CATSPERE: variants seen among roughly 807,000 people sequenced by gnomAD.
CATSPERE encodes the protein cation channel sperm-associated auxiliary subunit epsilon.
A neutral mutation model predicts 114.1 loss-of-function variants in CATSPERE; 93 were observed. The ratio of observed to expected loss-of-function variants is 0.81; its 90% CI spans 0.69 to 0.97. CATSPERE has a LOEUF of 0.97. Among genes scored for constraint, CATSPERE ranks in the 50% least tolerant of loss-of-function variants. The probability of loss-of-function intolerance (pLI) is 0.00; values close to 1 mark genes in which losing one functional copy is unlikely to be tolerated. For synonymous variants in CATSPERE, 341 were observed against 384.1 expected (o/e 0.89, Z 1.31); for missense variants, 1,058 against 1,131.6 (o/e 0.93, Z 0.93).
chr1:244,510,764 T>C (rs1675564573), intron 7 of CATSPERE, among the ~76,000 whole-genome samples: 2 of 151,828 alleles, frequency 1.3e-5, no homozygotes, highest in African/African-American at 2.4e-5. Context: ...GATGTAATTA[T>C]ATTTGCTTTA....
chr1:244,477,801 CTT>C (rs1669605675), intron 3 of CATSPERE, 103 bp from the exon 4 acceptor site: 3 of 1,004,544 alleles, frequency 3.0e-6, no homozygotes, highest in African/African-American at 1.7e-5. Context: ...AAAAATATCT[CTT>C]ATCAGCATAC....
intron 2 of CATSPERE, among the ~76,000 whole-genome samples, chr1:244,466,140 C>CA (rs758132253): frequency 4.6e-5 from 7 of 152,178 alleles, no homozygotes; most frequent in Non-Finnish European, 1.0e-4. Flanking sequence ...TTAACATATT[C>CA]ACTTTTATTG....
intron 6 of CATSPERE, among the ~76,000 whole-genome samples, chr1:244,495,605 CA>C (rs1672958787): frequency 6.6e-6 from 1 of 152,086 alleles, no homozygotes; most frequent in Admixed American, 6.6e-5. Flanking sequence ...CCTGTAATCC[CA>C]GCTACTCGGG....
At chr1:244,592,225 T>C (rs1667821641) in intron 15 of CATSPERE, among the ~76,000 whole-genome samples, 1 of 152,114 alleles carries the variant, frequency 6.6e-6, no homozygotes, top group Admixed American at 6.5e-5. Flanking sequence ...TGGCTTAAAT[T>C]CTACAAGACT....
intron 18 of CATSPERE, among the ~76,000 whole-genome samples, chr1:244,609,294 G>T (rs1353683359): frequency 6.6e-6 from 1 of 151,728 alleles, no homozygotes; most frequent in East Asian, 1.9e-4. Context: ...TATATTTAAT[G>T]GTAAAAATTT....
chr1:244,514,604 T>C (rs1009739746), intron 7 of CATSPERE, among the ~76,000 whole-genome samples: 2 of 151,564 alleles, frequency 1.3e-5, no homozygotes, highest in Non-Finnish European at 2.9e-5. Context: ...CCGAGGCGGG[T>C]GGATCACGAG....
intron 9 of CATSPERE, among the ~76,000 whole-genome samples, chr1:244,557,190 T>G (rs1387623004): frequency 6.6e-6 from 1 of 152,010 alleles, no homozygotes; most frequent in Non-Finnish European, 1.5e-5. Context: ...CGAGATTGCT[T>G]TGGCTCCTCA....
intron 1 of CATSPERE, 140 bp downstream of exon 1, chr1:244,461,634 A>G (rs1337907376): frequency 3.5e-6 from 2 of 578,892 alleles, no homozygotes; most frequent in Admixed American, 4.4e-5. Flanking sequence ...TGGCTCCCCA[A>G]CACCAGCCCC....
intron 2 of CATSPERE, among the ~76,000 whole-genome samples, chr1:244,467,217 A>G (rs780325014): frequency 6.6e-6 from 1 of 152,174 alleles, no homozygotes; most frequent in African/African-American, 2.4e-5. Context: ...TATAATTTGA[A>G]CCAGGCCCAG....
intron 6 of CATSPERE, among the ~76,000 whole-genome samples, chr1:244,493,388 G>C (rs1672564396): frequency 6.6e-6 from 1 of 152,208 alleles, no homozygotes; most frequent in Non-Finnish European, 1.5e-5. Context: ...GGGAAAACTG[G>C]TTGGCCATAT....
chr1:244,612,940 G>A (rs1305436280), intron 19 of CATSPERE, among the ~76,000 whole-genome samples: 1 of 152,108 alleles, frequency 6.6e-6, no homozygotes, highest in Non-Finnish European at 1.5e-5. Context: ...AATATAACAG[G>A]GAATATCAGG....
At chr1:244,606,123 C>T (rs1035241742) in intron 18 of CATSPERE, among the ~76,000 whole-genome samples, 1 of 152,146 alleles carries the variant, frequency 6.6e-6, no homozygotes, top group Admixed American at 6.5e-5. Context: ...ATCACTTGTG[C>T]ACTAAGTCAA....
At chr1:244,527,641 A>C (rs958054966) in intron 8 of CATSPERE, among the ~76,000 whole-genome samples, 5 of 152,236 alleles carry the variant, frequency 3.3e-5, no homozygotes, top group African/African-American at 1.2e-4. Context: ...AGGAAATCAC[A>C]AGCGTATTGA....
At chr1:244,561,454 G>A (rs1345486237) in intron 10 of CATSPERE, among the ~76,000 whole-genome samples, 2 of 152,052 alleles carry the variant, frequency 1.3e-5, no homozygotes, top group South Asian at 2.1e-4. Context: ...ATTGTGTTAC[G>A]TTTCCTGGGG....
intron 6 of CATSPERE, among the ~76,000 whole-genome samples, chr1:244,496,881 C>T (rs1016426210): frequency 6.6e-5 from 10 of 152,072 alleles, no homozygotes; most frequent in African/African-American, 2.4e-4. Flanking sequence ...AAAAGGCAGT[C>T]AAGATCAATA....
intron 4 of CATSPERE, among the ~76,000 whole-genome samples, chr1:244,478,403 C>T (rs1056123498): frequency 3.9e-5 from 6 of 152,162 alleles, no homozygotes; most frequent in Non-Finnish European, 5.9e-5. Context: ...TGAGGTTGAA[C>T]GTCTCTAGTT....
chr1:244,582,694 A>G (rs187353018), intron 12 of CATSPERE, among the ~76,000 whole-genome samples: 7 of 151,800 alleles, frequency 4.6e-5, no homozygotes, highest in African/African-American at 1.7e-4. Context: ...GAGCCACTGC[A>G]CCCGCAGGAA....
intron 19 of CATSPERE, among the ~76,000 whole-genome samples, chr1:244,616,716 T>G (rs1671444356): frequency 6.6e-6 from 1 of 152,184 alleles, no homozygotes; most frequent in Non-Finnish European, 1.5e-5. Context: ...CAATTAGACC[T>G]CACTTTCCAT....
intron 7 of CATSPERE, among the ~76,000 whole-genome samples, chr1:244,511,286 C>T (rs1675716895): frequency 6.6e-6 from 1 of 152,122 alleles, no homozygotes; most frequent in Non-Finnish European, 1.5e-5. Context: ...TACTCCTGCT[C>T]ACTTTGACTC....
Sources: gnomAD v4.1 joint callset for allele counts (sites outside exome capture counted in the v4.1 genomes callset) on GRCh38, gnomAD v4.1.1 for gene constraint, MANE v1.5 for transcripts, NCBI Gene and HGNC (gene_info 2026-07-23, HGNC 2026-07-21) for gene names.